TRIP13: variants seen among roughly 807,000 people sequenced by gnomAD.
The protein encoded by TRIP13 is pachytene checkpoint protein 2 homolog.
A neutral mutation model predicts 54.4 loss-of-function variants in TRIP13; 25 were observed. The observed-to-expected ratio is 0.46, with a 90% CI of 0.33 to 0.64. TRIP13 has a LOEUF of 0.64. Ranked by LOEUF, TRIP13 falls within the 30% of genes least tolerant of loss-of-function variation. TRIP13 has a pLI of 0.02. For synonymous variants in TRIP13, 207 were observed against 207.8 expected, an observed-to-expected ratio of 1.00 and a Z score of 0.03; for missense variants, 373 against 534.2, an observed-to-expected ratio of 0.70 and a Z score of 2.97.
At chr5:918,881 G>A (rs1364617425), downstream of TRIP13, 1 of 152,128 alleles carries the variant, frequency 6.6e-6, no homozygotes, top group Admixed American at 6.5e-5. This position sits in a 1 kb window ranked among gnomAD's most constrained non-coding sequence, Gnocchi z 4.3. Context: ...GCCCACCCAG[G>A]TTAAGGGTGG....
At position 917,146 on chromosome 5, in the gene TRIP13, C is replaced by A. The variant is rs1417726990; in HGVS notation, c.*43C>A. 6.3e-7 allele frequency: 1 copy of A among 1,599,462 alleles called. No individual in the cohort carries two copies. Among genetic ancestry groups the A allele is most frequent in the African/African-American group, 1.3e-5 (1 of 74,614 alleles). ...TGGTGCTTTTCCCATGGAGAACACACAACCAGTAAGTGAGGTTGCCCCACA... is the reference window on the plus strand; with the variant it reads ...TGGTGCTTTTCCCATGGAGAACACAAAACCAGTAAGTGAGGTTGCCCCACA... On this transcript the variant is annotated 3_prime_UTR_variant, in exon 13 of 13. Transcript: ENST00000166345.
chr5:903,555 G>A (rs765245880), intron 5 of TRIP13, among the ~76,000 whole-genome samples: 1 of 152,034 alleles, frequency 6.6e-6, no homozygotes, highest in Non-Finnish European at 1.5e-5. Context: ...TCTTGCCTCG[G>A]CACCTGGGTG....
At chr5:916,494 T>A (rs1203730043) in intron 12 of TRIP13, among the ~76,000 whole-genome samples, 2 of 152,228 alleles carry the variant, frequency 1.3e-5, no homozygotes, top group Non-Finnish European at 2.9e-5. Context: ...ATGTTTCCTT[T>A]CAAATCAGAA....
chr5:908,578 A>G lies in TRIP13; in HGVS notation c.866+117A>G. 6.6e-7 allele frequency: 1 copy of G among 1,525,812 alleles called. No homozygotes were observed. The highest frequency in any genetic ancestry group is 1.7e-4 in the Middle Eastern group (1 of 5,874). The allele number at this position is 1,525,812 out of a possible 1,614,324, so 94.5% of individuals were successfully genotyped here. On this transcript the variant is annotated intron_variant, in intron 9 of 12. Transcript: ENST00000166345. The surrounding 1 kb of genome is among the most constrained non-coding windows in gnomAD (Gnocchi z 5.2). ...GCCCAGCTCTTTCACCGGAAAGTGC[A>G]TTTGGCATTGAGTATCGACTCCTTT...
At chr5:914,721 G>A (rs1329132784) in intron 11 of TRIP13, 144 bp downstream of exon 11, 5 of 259,324 alleles carry the variant, frequency 1.9e-5, no homozygotes, top group Non-Finnish European at 2.8e-5. Flanking sequence ...ATGTACACAC[G>A]TGTGTGTGTG....
intron 2 of TRIP13, among the ~76,000 whole-genome samples, chr5:896,070 G>C (rs1013811046): frequency 1.1e-4 from 16 of 151,972 alleles, no homozygotes; most frequent in African/African-American, 3.9e-4. Context: ...TCCCAGCACT[G>C]TGGGAGAAGG....
chr5:897,021 G>A (rs1047529933), intron 3 of TRIP13, among the ~76,000 whole-genome samples: 1 of 152,196 alleles, frequency 6.6e-6, no homozygotes, highest in Non-Finnish European at 1.5e-5. Flanking sequence ...CCTGGCTAAC[G>A]GAGAGTGCCC....
chr5:897,320 T>C (rs1290531344), intron 3 of TRIP13, among the ~76,000 whole-genome samples: 1 of 110,498 alleles, frequency 9.0e-6, no homozygotes, highest in Non-Finnish European at 1.7e-5. Flanking sequence ...GGATGGGCTC[T>C]AGCAGGCCAA....
At chr5:914,056 A>G (rs760044911) in intron 10 of TRIP13, among the ~76,000 whole-genome samples, 6 of 152,140 alleles carry the variant, frequency 3.9e-5, no homozygotes, top group Non-Finnish European at 8.8e-5. Flanking sequence ...CTGCTTTGGA[A>G]GTCAGTGGAA....
At chr5:909,847 A>G (rs1179594924) in intron 9 of TRIP13, among the ~76,000 whole-genome samples, 1 of 152,246 alleles carries the variant, frequency 6.6e-6, no homozygotes, top group Non-Finnish European at 1.5e-5. Flanking sequence ...CGCTCATGCT[A>G]TTGTCTGTGG....
chr5:918,297 G>A (rs567978744), downstream of TRIP13, among the ~76,000 whole-genome samples: 12 of 152,264 alleles, frequency 7.9e-5, no homozygotes, highest in East Asian at 2.1e-3. This position sits in a 1 kb window ranked among gnomAD's most constrained non-coding sequence, Gnocchi z 4.3. Context: ...TTCAGAACCC[G>A]GAGCCACTCC....
intron 12 of TRIP13, 68 bp from the exon 13 acceptor site, chr5:916,940 C>A: frequency 6.9e-7 from 1 of 1,457,672 alleles, no homozygotes; most frequent in Non-Finnish European, 9.5e-7. Flanking sequence ...GCGGCAGGGG[C>A]TGTGGATGCC....
intron 2 of TRIP13, among the ~76,000 whole-genome samples, 169 bp from the exon 3 acceptor site, chr5:896,496 C>T (rs532013269): frequency 2.1e-4 from 32 of 152,228 alleles, no homozygotes; most frequent in Admixed American, 2.0e-3. Context: ...TCAAAAGAGC[C>T]AATCCTCAAT....
intron 5 of TRIP13, among the ~76,000 whole-genome samples, chr5:902,220 G>A (rs73020928): frequency 0.018 from 2,789 of 152,256 alleles, 86 homozygotes; most frequent in African/African-American, 0.064. Context: ...CAATATCACC[G>A]GGTAGAATGG....
chr5:912,020 T>C lies in TRIP13; in HGVS notation c.1020+24T>C. 2 of 1,596,506 alleles carry C rather than the reference T, an allele frequency of 1.3e-6. No individual in the cohort carries two copies. Among genetic ancestry groups the C allele is most frequent in the African/African-American group, 1.4e-5 (1 of 73,554 alleles). On this transcript the variant is annotated intron_variant, in intron 10 of 12. Coordinates refer to ENST00000166345, the MANE Select transcript of TRIP13 (RefSeq NM_004237.4). This position sits in a 1 kb window ranked among gnomAD's most constrained non-coding sequence, Gnocchi z 7.2. Reference sequence around the variant, plus strand: ...AGGTACCTTTATTTTTTTTTTCCTCTTGATACAAATGGATTTCTTATATGT... The same window carrying C: ...AGGTACCTTTATTTTTTTTTTCCTCCTGATACAAATGGATTTCTTATATGT...
intron 5 of TRIP13, 45 bp from the exon 6 acceptor site, chr5:904,103 T>C (rs1324584910): frequency 1.3e-5 from 20 of 1,557,278 alleles, no homozygotes; most frequent in Non-Finnish European, 1.7e-5. Flanking sequence ...AGAAATTTGT[T>C]GTAGCACTGA....
At chr5:896,581 G>C in intron 2 of TRIP13, 84 bp from the exon 3 acceptor site, 2 of 1,435,862 alleles carry the variant, frequency 1.4e-6, no homozygotes, top group Non-Finnish European at 1.9e-6. Flanking sequence ...GTTTTTATTT[G>C]TAGACCTTAA....
intron 9 of TRIP13, among the ~76,000 whole-genome samples, chr5:910,391 T>A (rs1754205791): frequency 6.6e-6 from 1 of 152,106 alleles, no homozygotes; most frequent in Admixed American, 6.5e-5. Context: ...TCAGCATAGC[T>A]CAGGGTTCTG....
chr5:909,311 G>A (rs1216781391), intron 9 of TRIP13, among the ~76,000 whole-genome samples: 2 of 152,220 alleles, frequency 1.3e-5, no homozygotes, highest in Non-Finnish European at 2.9e-5. Context: ...GTCCCTGTGT[G>A]GTGCTCAGCC....
Sources: gnomAD v4.1 joint callset for allele counts (sites outside exome capture counted in the v4.1 genomes callset) on GRCh38, gnomAD v4.1.1 for gene constraint, Gnocchi (gnomAD v3.1) non-coding constraint, MANE v1.5 for transcripts, NCBI Gene and HGNC (gene_info 2026-07-23, HGNC 2026-07-21) for gene names.